TANGO2: variants seen among roughly 807,000 people sequenced by gnomAD.
TANGO2 encodes the protein transport and golgi organization 2 homolog, also known as transport and Golgi organization protein 2 homolog.
TANGO2 carries 26 observed loss-of-function variants against 39.1 expected under a neutral mutation model. The ratio of observed to expected loss-of-function variants is 0.67; its 90% CI spans 0.49 to 0.92. TANGO2 has a LOEUF of 0.92. Among genes scored for constraint, TANGO2 ranks in the 40% least tolerant of loss-of-function variants. The pLI is 0.00. For synonymous variants in TANGO2, 131 were observed against 144.5 expected (o/e 0.91, Z 0.67); for missense variants, 326 against 360.1 (o/e 0.91, Z 0.77).
chr22:20,023,374 G>A (rs2040097387), intron 1 of TANGO2, among the ~76,000 whole-genome samples: 1 of 152,170 alleles, frequency 6.6e-6, no homozygotes, highest in Non-Finnish European at 1.5e-5. Context: ...TGAGGAAGCT[G>A]AGTGTTCCTC....
At chr22:20,055,812 C>T in intron 5 of TANGO2, 131 bp from the exon 6 acceptor site, 4 of 780,084 alleles carry the variant, frequency 5.1e-6, no homozygotes, top group Non-Finnish European at 6.5e-6. Flanking sequence ...GTCCTGCAAG[C>T]TCCTGACCTG....
chr22:20,018,312 G>A (rs532251864), upstream of TANGO2, among the ~76,000 whole-genome samples: 1 of 152,342 alleles, frequency 6.6e-6, no homozygotes, highest in East Asian at 1.9e-4. Flanking sequence ...CCCTAGAATA[G>A]GGGCCCTCAC....
chr22:20,042,926 A>G (rs934970089), intron 2 of TANGO2, among the ~76,000 whole-genome samples: 3 of 152,240 alleles, frequency 2.0e-5, no homozygotes, highest in African/African-American at 7.2e-5. Context: ...TGTGCCATTC[A>G]ATCTGTATCC....
In TANGO2 at chr22:20,064,659, C is replaced by G; in HGVS notation, c.828C>G (p.Ser276Arg). ...ETRTYEFTLQ[S>R] ...GAACCTATGAGTTCACACTGCAGAG[C>G]TAACCCCACCTCTGGGCCTGGCCAG... The change falls in exon 9 of 9, where the codon AGC becomes AGG. Residue 276 changes from serine (S) to arginine (R), a missense_variant. By Grantham distance (110) the Ser-to-Arg change is moderately radical. Transcript: ENST00000327374. 3 of 1,614,076 alleles carry G rather than the reference C, an allele frequency of 1.9e-6. No homozygotes were observed. The highest frequency in any genetic ancestry group is 2.5e-6 in the Non-Finnish European group (3 of 1,179,936).
At chr22:20,043,503 G>A in intron 3 of TANGO2, 60 bp downstream of exon 3, 1 of 1,228,680 alleles carries the variant, frequency 8.1e-7, no homozygotes, top group East Asian at 2.4e-5. Context: ...GCCCCTGCGT[G>A]GCCCGAGTGA....
intron 1 of TANGO2, among the ~76,000 whole-genome samples, chr22:20,036,022 A>G (rs117814986): frequency 6.6e-6 from 1 of 152,160 alleles, no homozygotes; most frequent in African/African-American, 2.4e-5. Flanking sequence ...CTGAAAGTTT[A>G]CTAGCCTGCA....
chr22:20,023,197 A>G (rs1240877741), intron 1 of TANGO2, among the ~76,000 whole-genome samples: 1 of 152,190 alleles, frequency 6.6e-6, no homozygotes, highest in African/African-American at 2.4e-5. Flanking sequence ...ACTTGCTGAC[A>G]TTTGGGGGTA....
Position 20,064,794 on chromosome 22 carries a change from C to A in TANGO2, c.*132C>A. ...GGCCAGCATCCCCCGGATCAGGGCC[C>A]TGTGGTTTGCGTGTTACCCATCTGT... On this transcript the variant is annotated 3_prime_UTR_variant, in exon 9 of 9. Coordinates refer to ENST00000327374, the MANE Select transcript of TANGO2 (RefSeq NM_152906.7). The A allele has an allele frequency of 8.4e-7, 1 of 1,194,174 alleles. No homozygotes were observed. The highest frequency in any genetic ancestry group is 1.2e-6 in the Non-Finnish European group (1 of 867,316). The allele number at this position is 1,194,174 out of a possible 1,614,324, so 74.0% of individuals were successfully genotyped here.
chr22:20,033,367 G>A (rs1435891294), intron 1 of TANGO2: 5 of 380,702 alleles, frequency 1.3e-5, no homozygotes, highest in African/African-American at 2.2e-5. Context: ...TGCTGCCCCT[G>A]CACCCTGGCC....
rs1491540119 is a variant in TANGO2, at chr22:20,050,357, G to GTTTTTTT, written c.146-2108_146-2107insTTTTTTT. ...ATTTTTCATTAAATATTTTCCTGGT[G>GTTTTTTT]GTTTTTTTTTTTTTTTTTTTTTTTG... On this transcript the variant is annotated intron_variant, in intron 3 of 8. Transcript: ENST00000327374. Among the ~76,000 whole-genome samples, 19 of 69,208 alleles carry GTTTTTTT rather than the reference G, an allele frequency of 2.7e-4. 3 individuals carry two copies. Among genetic ancestry groups the GTTTTTTT allele is most frequent in the South Asian group, 6.1e-4 (1 of 1,644 alleles). 45.4% of individuals were successfully genotyped at this position (69,208 alleles called of 152,430 possible). A position where few individuals can be genotyped will look rare whatever the true frequency, so the allele number is the denominator to read the frequency against.
intron 2 of TANGO2, among the ~76,000 whole-genome samples, chr22:20,043,125 C>T (rs2044291167): frequency 6.6e-6 from 1 of 152,168 alleles, no homozygotes; most frequent in African/African-American, 2.4e-5. Flanking sequence ...ATGTGTGTCC[C>T]TGCCTAGCAT....
chr22:20,052,337 C>T (rs978264583), intron 3 of TANGO2, 128 bp from the exon 4 acceptor site: 18 of 1,370,702 alleles, frequency 1.3e-5, no homozygotes, highest in African/African-American at 8.6e-5. Flanking sequence ...TGGGCCAAGC[C>T]GCATGTCGAA....
At chr22:20,033,049 G>T in intron 1 of TANGO2, 2 of 403,390 alleles carry the variant, frequency 5.0e-6, no homozygotes, top group Admixed American at 3.1e-5. Context: ...CAAGGTCACA[G>T]GTCGGGGGAG....
chr22:20,061,750 C>CCT, intron 7 of TANGO2, 67 bp downstream of exon 7: 1 of 1,469,296 alleles, frequency 6.8e-7, no homozygotes. Context: ...GAAAGGCAGG[C>CCT]CCTGCTGCCC....
chr22:20,024,728 A>G (rs1432622018), intron 1 of TANGO2, among the ~76,000 whole-genome samples: 5 of 152,174 alleles, frequency 3.3e-5, no homozygotes, highest in Admixed American at 2.0e-4. Context: ...ATAGCTTGCC[A>G]TTCCTCTGTC....
intron 1 of TANGO2, among the ~76,000 whole-genome samples, chr22:20,025,217 T>A (rs985577851): frequency 6.7e-6 from 1 of 150,270 alleles, no homozygotes; most frequent in Non-Finnish European, 1.5e-5. Flanking sequence ...CTCAGCCTCC[T>A]GAGTAGCTGG....
chr22:20,034,676 C>T (rs972185761), intron 1 of TANGO2, among the ~76,000 whole-genome samples: 5 of 152,174 alleles, frequency 3.3e-5, no homozygotes, highest in African/African-American at 1.2e-4. Flanking sequence ...CTAAGCATCG[C>T]TCTTTGGAGT....
At chr22:20,031,405 C>A (rs1317860034) in intron 1 of TANGO2, among the ~76,000 whole-genome samples, 1 of 152,212 alleles carries the variant, frequency 6.6e-6, no homozygotes, top group Non-Finnish European at 1.5e-5. Flanking sequence ...GGCTCAGGAA[C>A]CTCACCACCA....
intron 6 of TANGO2, among the ~76,000 whole-genome samples, chr22:20,059,950 T>C (rs1376227634): frequency 1.3e-5 from 2 of 152,030 alleles, no homozygotes; most frequent in Admixed American, 6.6e-5. Context: ...TGGTTTGACT[T>C]AAGTTAACTA....
Sources: allele counts gnomAD v4.1 joint callset (sites outside exome capture counted in the v4.1 genomes callset), GRCh38; gene constraint gnomAD v4.1.1; transcripts MANE v1.5; gene names NCBI Gene and HGNC (gene_info 2026-07-23, HGNC 2026-07-21).